The following SLC39A7 variants were observed in gnomAD, a reference collection of about 807,000 sequenced individuals.
SLC39A7 encodes solute carrier family 39 member 7, also known as zinc transporter SLC39A7.
Under a neutral mutation model 39.7 loss-of-function variants are expected in SLC39A7, and 25 were observed. The ratio of observed to expected loss-of-function variants is 0.63; its 90% CI spans 0.46 to 0.88. The LOEUF (loss-of-function observed/expected upper bound fraction) is 0.88, where lower values mean the gene tolerates loss of function less well. Ranked by LOEUF, SLC39A7 falls within the 40% of genes least tolerant of loss-of-function variation. SLC39A7 has a pLI of 0.00. For missense variants in SLC39A7, 501 were observed against 592.1 expected, an observed-to-expected ratio of 0.85 and a Z score of 1.60; for synonymous variants, 181 against 234.1, an observed-to-expected ratio of 0.77 and a Z score of 2.07.
Position 33,202,703 on chromosome 6 carries a change from A to G in SLC39A7, c.940+3A>G, listed in dbSNP as rs1774703541. 1.9e-6 allele frequency: 3 copies of G among 1,589,682 alleles called. No individual in the cohort carries two copies. The highest frequency in any genetic ancestry group is 2.6e-6 in the Non-Finnish European group (3 of 1,173,174). ...TGAAGAAGAAAAAAGAGGCTTAGGTAAGGGCCAGAGTTGGTGATAAATTTG... is the reference window on the plus strand; with the variant it reads ...TGAAGAAGAAAAAAGAGGCTTAGGTGAGGGCCAGAGTTGGTGATAAATTTG... On this transcript the variant is annotated splice_donor_region_variant and intron_variant, in intron 5 of 6. Transcript: ENST00000374677.
rs1363336448 is a variant in SLC39A7 at position 33,201,966 on chromosome 6, GA to G, written c.580+57del. 6.2e-7 allele frequency: 1 copy of G among 1,601,678 alleles called. No individual in the cohort carries two copies. Among genetic ancestry groups the G allele is most frequent in the East Asian group, 2.2e-5 (1 of 44,830 alleles). ...ATCTAACCTATTTCGTTCTTTGGAGGAAAAGGGTTCTTTCTCCTTTATGATC... is the reference window on the plus strand; with the variant it reads ...ATCTAACCTATTTCGTTCTTTGGAGGAAAGGGTTCTTTCTCCTTTATGATC... On this transcript the variant is annotated intron_variant, in intron 2 of 6. Coordinates refer to ENST00000374677, the MANE Select transcript of SLC39A7 (RefSeq NM_006979.3). The surrounding 1 kb of genome is among the most constrained non-coding windows in gnomAD (Gnocchi z 5.9).
At chr6:33,202,040 T>C (rs1307345572) in intron 2 of SLC39A7, 32 bp from the exon 3 acceptor site, 3 of 1,609,200 alleles carry the variant, frequency 1.9e-6, no homozygotes, top group African/African-American at 1.3e-5. Flanking sequence ...GTGTCAGATA[T>C]TCCCTCATCT....
Position 33,203,700 on chromosome 6 carries a change from G to A in SLC39A7, c.1297G>A (p.Val433Met). 6.2e-7 allele frequency: 1 copy of A among 1,614,214 alleles called. No homozygotes were observed. ...TAGGFIYVAT[V>M]SVLPELLREA... is the part of the protein sequence containing the mutation. Reference sequence around the variant, plus strand: ...AGGTGGCTTTATCTACGTAGCAACAGTGTCTGTGTTGCCCGAGCTGCTGAG... The same window carrying A: ...AGGTGGCTTTATCTACGTAGCAACAATGTCTGTGTTGCCCGAGCTGCTGAG... Residue 433 changes from valine to methionine, a missense_variant, in exon 7 of 7, where the codon GTG becomes ATG. Coordinates refer to ENST00000374677, the MANE Select transcript of SLC39A7 (RefSeq NM_006979.3).
chr6:33,203,954 C>A lies in SLC39A7; in HGVS notation c.*141C>A. 1 of 780,896 alleles carries A rather than the reference C, an allele frequency of 1.3e-6. No individual in the cohort carries two copies. Among genetic ancestry groups the A allele is most frequent in the Non-Finnish European group, 2.1e-6 (1 of 484,148 alleles). 48.4% of individuals were successfully genotyped at this position (780,896 alleles called of 1,614,324 possible). A position where few individuals can be genotyped will look rare whatever the true frequency, so the allele number is the denominator to read the frequency against. On this transcript the variant is annotated 3_prime_UTR_variant, in exon 7 of 7. Transcript: ENST00000374677. ...GAGAATGGTTACTTTGGCATTAGGGCCTTCAAGGGCTGGCAGTCTTACAGA... is the reference window on the plus strand; with the variant it reads ...GAGAATGGTTACTTTGGCATTAGGGACTTCAAGGGCTGGCAGTCTTACAGA...
In SLC39A7 at chr6:33,201,601, A is replaced by G; in HGVS notation, c.356A>G (p.Glu119Gly). ...GAGCATAGCCATGGAGGCTATGGGGAGTCTGGGGCTCCAGGCATCAAGCAG... is the reference window on the plus strand; with the variant it reads ...GAGCATAGCCATGGAGGCTATGGGGGGTCTGGGGCTCCAGGCATCAAGCAG... ...DHEHSHGGYGESGAPGIKQDL... is the reference protein window; with the variant it reads ...DHEHSHGGYGGSGAPGIKQDL... The change falls in exon 1 of 7, where the codon GAG (glutamate) becomes GGG (glycine). Residue 119 changes from glutamate (E) to glycine (G), a missense_variant. Glu to Gly is a moderately conservative substitution (Grantham distance 98). Coordinates refer to ENST00000374677, the MANE Select transcript of SLC39A7 (RefSeq NM_006979.3). This position sits in a 1 kb window ranked among gnomAD's most constrained non-coding sequence, Gnocchi z 5.9. The G allele has an allele frequency of 6.2e-7, 1 of 1,612,742 alleles. No homozygotes were observed. Among genetic ancestry groups the G allele is most frequent in the Non-Finnish European group, 8.5e-7 (1 of 1,179,032 alleles).
Position 33,201,970 on chromosome 6 carries a change from A to C in SLC39A7, c.580+57A>C. 2 of 1,601,032 alleles carry C rather than the reference A, an allele frequency of 1.2e-6. No homozygotes were observed. The highest frequency in any genetic ancestry group is 1.7e-6 in the Non-Finnish European group (2 of 1,169,290). On this transcript the variant is annotated intron_variant, in intron 2 of 6. Coordinates refer to ENST00000374677, the MANE Select transcript of SLC39A7 (RefSeq NM_006979.3). This position sits in a 1 kb window ranked among gnomAD's most constrained non-coding sequence, Gnocchi z 5.9. ...AACCTATTTCGTTCTTTGGAGGAAA[A>C]GGGTTCTTTCTCCTTTATGATCCCT...
At chr6:33,202,169 A>T (rs1017485353) in intron 3 of SLC39A7, 44 bp downstream of exon 3, 1 of 1,606,450 alleles carries the variant, frequency 6.2e-7, no homozygotes, top group Non-Finnish European at 8.5e-7. Flanking sequence ...GTGCTGGGGA[A>T]GGTCCGTCTC....
chr6:33,201,626 G>A lies in SLC39A7; in HGVS notation c.381G>A (p.Gln127=), dbSNP rs1402051910. 1 of 1,611,786 alleles carries A rather than the reference G, an allele frequency of 6.2e-7. No individual in the cohort carries two copies. ...YGESGAPGIK[Q]DLDAVTLWAY... ...AGTCTGGGGCTCCAGGCATCAAGCA[G>A]GACCTGGATGCTGTCACTCTCTGGG... The change falls in exon 1 of 7, where the codon CAG becomes CAA. Residue 127 remains glutamine (Q), a synonymous_variant. Transcript: ENST00000374677. This position sits in a 1 kb window ranked among gnomAD's most constrained non-coding sequence, Gnocchi z 5.9.
chr6:33,202,570 C>T lies in SLC39A7; in HGVS notation c.810C>T (p.Thr270=), dbSNP rs1774685903. The T allele has an allele frequency of 6.2e-7, 1 of 1,604,486 alleles. No individual in the cohort carries two copies. Among genetic ancestry groups the T allele is most frequent in the South Asian group, 1.1e-5 (1 of 89,542 alleles). ...CTTTTCTTCCCTCAGAGCGTTCTACCAAGGAGAAGCAGAGCTCAGAGGAAG... is the reference window on the plus strand; with the variant it reads ...CTTTTCTTCCCTCAGAGCGTTCTACTAAGGAGAAGCAGAGCTCAGAGGAAG... ...SHGHGRQERS[T]KEKQSSEEEE... is the part of the protein sequence containing the mutation. The change falls in exon 5 of 7, where the codon ACC becomes ACT. Residue 270 remains threonine (T), a synonymous_variant. Transcript: ENST00000374677.
At chr6:33,203,464 T>G (rs1774778727) in intron 6 of SLC39A7, 77 bp from the exon 7 acceptor site, 2 of 1,486,780 alleles carry the variant, frequency 1.3e-6, no homozygotes, top group Admixed American at 1.8e-5. Context: ...CCTATACCTA[T>G]ACCCCACCAG....
intron 5 of SLC39A7, 42 bp downstream of exon 5, chr6:33,202,742 A>G (rs1461397505): frequency 3.8e-6 from 6 of 1,570,904 alleles, no homozygotes. Flanking sequence ...AAGGGACATC[A>G]TCACAAATCA....
chr6:33,202,420 A>G lies in SLC39A7; in HGVS notation c.792A>G (p.Gly264=). ...ATACACGTGGAAGTCATGGACATGGAAGACAAGGTGAGCCCAGGAACAACT... is the reference window on the plus strand; with the variant it reads ...ATACACGTGGAAGTCATGGACATGGGAGACAAGGTGAGCCCAGGAACAACT... The part of the protein sequence containing the change: ...HSHTRGSHGH[G]RQERSTKEKQ... The change falls in exon 4 of 7, where the codon GGA becomes GGG. Residue 264 remains glycine, a synonymous_variant. Transcript: ENST00000374677. 2 of 1,612,620 alleles carry G rather than the reference A, an allele frequency of 1.2e-6. No homozygotes were observed. Among genetic ancestry groups the G allele is most frequent in the Non-Finnish European group, 1.7e-6 (2 of 1,179,752 alleles).
In SLC39A7 at chr6:33,204,315, G is replaced by A. The variant is rs765562999; in HGVS notation, c.*502G>A. The stretch of plus-strand genomic sequence containing the variant: ...GGGAGTGATTGGGGGGATGGGGTGG[G>A]AGAGGGTTAGTTGGTATTCTCATGG... On this transcript the variant is annotated 3_prime_UTR_variant, in exon 7 of 7. Transcript: ENST00000374677. 1 of 529,810 alleles carries A rather than the reference G, an allele frequency of 1.9e-6. No homozygotes were observed. The highest frequency in any genetic ancestry group is 3.3e-5 in the Admixed American group (1 of 30,338). The allele number at this position is 529,810 out of a possible 1,614,324, so 32.8% of individuals were successfully genotyped here.
chr6:33,202,826 G>C (rs1562433716), intron 5 of SLC39A7, 84 bp from the exon 6 acceptor site: 3 of 1,562,454 alleles, frequency 1.9e-6, no homozygotes, highest in South Asian at 1.2e-5. Flanking sequence ...TGGTCTCTGA[G>C]GGGAGGTGTG....
chr6:33,204,096 A>G lies in SLC39A7; in HGVS notation c.*283A>G, dbSNP rs1774829457. 1 of 561,946 alleles carries G rather than the reference A, an allele frequency of 1.8e-6. No individual in the cohort carries two copies. The highest frequency in any genetic ancestry group is 3.2e-6 in the Non-Finnish European group (1 of 314,200). The allele number at this position is 561,946 out of a possible 1,614,324, so 34.8% of individuals were successfully genotyped here. On this transcript the variant is annotated 3_prime_UTR_variant, in exon 7 of 7. Coordinates refer to ENST00000374677, the MANE Select transcript of SLC39A7 (RefSeq NM_006979.3). ...AGAAGGCTGGAAGGGACAGGGGGTG[A>G]TGGCAGCCTACCTGGTGTCCCCTAC...
chr6:33,201,027 A>C lies in SLC39A7; in HGVS notation c.-219A>C, dbSNP rs1051008820. 1 of 758,628 alleles carries C rather than the reference A, an allele frequency of 1.3e-6. No homozygotes were observed. The allele number at this position is 758,628 out of a possible 1,614,324, so 47.0% of individuals were successfully genotyped here. On this transcript the variant is annotated 5_prime_UTR_variant, in exon 1 of 7. An upstream open reading frame in the 5' UTR loses its in-frame stop. Transcript: ENST00000374677. This position sits in a 1 kb window ranked among gnomAD's most constrained non-coding sequence, Gnocchi z 5.9. Reference sequence around the variant, plus strand: ...AGAGACGAGGGCCCAGAGAGTCTGTAAAGTGGCTGGTGAAAGATTAGTGTC... The same window carrying C: ...AGAGACGAGGGCCCAGAGAGTCTGTCAAGTGGCTGGTGAAAGATTAGTGTC...
chr6:33,203,419 T>C, intron 6 of SLC39A7, 122 bp from the exon 7 acceptor site: 1 of 1,031,252 alleles, frequency 9.7e-7, no homozygotes, highest in Non-Finnish European at 1.4e-6. Flanking sequence ...CCTCTTCTCT[T>C]TTTATTTTGA....
Position 33,203,600 on chromosome 6 carries a change from T to C in SLC39A7, c.1197T>C (p.Leu399=), listed in dbSNP as rs1774787719. ...VGALAGTACA[L]LTEGGAVGSE... ...CACTGGCAGGCACAGCCTGTGCCCT[T>C]CTCACTGAAGGAGGAGCAGTGGGCA... Residue 399 remains leucine (L), a synonymous_variant, in exon 7 of 7, where the codon CTT becomes CTC. Coordinates refer to ENST00000374677, the MANE Select transcript of SLC39A7 (RefSeq NM_006979.3). The C allele has an allele frequency of 1.9e-6, 3 of 1,614,114 alleles. No homozygotes were observed. In the South Asian group the frequency reaches 3.3e-5, roughly 18 times the overall value.
In SLC39A7 at chr6:33,201,804, C is replaced by G. The variant is rs11538810; in HGVS notation, c.471C>G (p.Pro157=). ...CATTTTTTGTCCTCTTCCTTATCCCCGTGGAGTCGAACTCTCCCCGGCATC... is the reference window on the plus strand; with the variant it reads ...CATTTTTTGTCCTCTTCCTTATCCCGGTGGAGTCGAACTCTCCCCGGCATC... ...AAPFFVLFLI[P]VESNSPRHRS... The change falls in exon 2 of 7, where the codon CCC becomes CCG. Residue 157 remains proline, a synonymous_variant. Transcript: ENST00000374677. This position sits in a 1 kb window ranked among gnomAD's most constrained non-coding sequence, Gnocchi z 5.9. 1 of 1,613,448 alleles carries G rather than the reference C, an allele frequency of 6.2e-7. No homozygotes were observed. The highest frequency in any genetic ancestry group is 8.5e-7 in the Non-Finnish European group (1 of 1,180,000).
Sources: allele counts gnomAD v4.1 joint callset, GRCh38; gene constraint gnomAD v4.1.1; non-coding constraint Gnocchi (gnomAD v3.1); transcripts MANE v1.5; gene names NCBI Gene and HGNC (gene_info 2026-07-23, HGNC 2026-07-21).